The following CSMD1 variants were observed in gnomAD, a reference collection of about 807,000 sequenced individuals.
The protein encoded by CSMD1 is CUB and Sushi multiple domains 1, also known as CUB and sushi domain-containing protein 1.
Under a neutral mutation model 417.5 loss-of-function variants are expected in CSMD1, and 213 were observed. The observed-to-expected ratio is 0.51, with a 90% CI of 0.46 to 0.57. CSMD1 has a LOEUF of 0.57. CSMD1 is among the 20% of genes least tolerant of loss of function. The probability of loss-of-function intolerance (pLI) is 0.00; values close to 1 mark genes in which losing one functional copy is unlikely to be tolerated. For synonymous variants in CSMD1, 2,862 were observed against 1,736.8 expected (o/e 1.65, Z -16.11); for missense variants, 6,923 against 4,529.7 (o/e 1.53, Z -15.17).
At chr8:3,960,625 A>C (rs7823465) in intron 5 of CSMD1, among the ~76,000 whole-genome samples, 2,694 of 152,152 alleles carry the variant, frequency 0.018, 71 homozygotes, top group African/African-American at 0.059. Context: ...ATTAATGGAA[A>C]TATTAATATG....
intron 1 of CSMD1, among the ~76,000 whole-genome samples, chr8:4,862,354 G>C (rs905675091): frequency 6.6e-6 from 1 of 152,082 alleles, no homozygotes; most frequent in Non-Finnish European, 1.5e-5. Context: ...TTGCACAGAT[G>C]GAGAATTAAC....
intron 4 of CSMD1, among the ~76,000 whole-genome samples, chr8:4,002,463 C>G (rs764751329): frequency 6.6e-6 from 1 of 152,162 alleles, no homozygotes; most frequent in Non-Finnish European, 1.5e-5. Context: ...TTTGTTTCCT[C>G]TTAGATCTAT....
chr8:3,989,416 T>C (rs1273216137), intron 5 of CSMD1, among the ~76,000 whole-genome samples: 2 of 152,186 alleles, frequency 1.3e-5, no homozygotes, highest in African/African-American at 2.4e-5. Flanking sequence ...CCCAACACTC[T>C]CCAAGCTAGG....
intron 7 of CSMD1, among the ~76,000 whole-genome samples, chr8:3,690,171 C>A (rs1005590370): frequency 1.3e-5 from 2 of 152,158 alleles, no homozygotes; most frequent in Admixed American, 6.5e-5. Flanking sequence ...CCAGCCTGGG[C>A]AACAGGGCAA....
rs141569053 is a variant in CSMD1 at position 4,109,571 on chromosome 8, T to A, written c.416-77472A>T. Reference sequence around the variant, plus strand: ...AAATTGACCATCATTTCCCAGTCAATGTCTGGAACTACGCAGGAGCATTTG... The same window carrying A: ...AAATTGACCATCATTTCCCAGTCAAAGTCTGGAACTACGCAGGAGCATTTG... On this transcript the variant is annotated intron_variant, in intron 3 of 69. Transcript: ENST00000635120. Among the ~76,000 whole-genome samples, 144 of 152,288 alleles carry A rather than the reference T, an allele frequency of 9.5e-4. 5 individuals are homozygous for A. In the East Asian group the frequency reaches 0.024, roughly 26 times the overall value.
At chr8:3,310,961 G>A (rs1584977289) in intron 23 of CSMD1, among the ~76,000 whole-genome samples, 1 of 152,176 alleles carries the variant, frequency 6.6e-6, no homozygotes, top group South Asian at 2.1e-4. Flanking sequence ...ACATCTGCTG[G>A]GGATGATGAA....
intron 1 of CSMD1, among the ~76,000 whole-genome samples, chr8:4,709,147 G>A (rs938210870): frequency 6.6e-6 from 1 of 152,186 alleles, no homozygotes; most frequent in Non-Finnish European, 1.5e-5. Flanking sequence ...AATTCTGAAC[G>A]AAATATAGCA....
At chr8:3,067,767 T>C (rs117552661) in intron 49 of CSMD1, among the ~76,000 whole-genome samples, 2,304 of 152,020 alleles carry the variant, frequency 0.015, 25 homozygotes, top group East Asian at 0.039. Context: ...ATAATAATAA[T>C]TTTACAACTT....
intron 1 of CSMD1, among the ~76,000 whole-genome samples, chr8:4,853,188 T>C (rs544826295): frequency 6.6e-6 from 1 of 152,150 alleles, no homozygotes; most frequent in Non-Finnish European, 1.5e-5. Context: ...GGGACCCAGG[T>C]GCTGCTAGCC....
At chr8:4,433,288 C>T (rs1179736857) in intron 2 of CSMD1, among the ~76,000 whole-genome samples, 1 of 152,162 alleles carries the variant, frequency 6.6e-6, no homozygotes, top group Non-Finnish European at 1.5e-5. Flanking sequence ...ACACCCTGGT[C>T]CGTAGAAAAA....
intron 7 of CSMD1, among the ~76,000 whole-genome samples, chr8:3,644,670 C>T (rs964213331): frequency 3.3e-5 from 5 of 152,094 alleles, no homozygotes; most frequent in African/African-American, 9.7e-5. Context: ...GTTCAAGTGG[C>T]TGAAGAAGAG....
chr8:4,763,252 G>C (rs951645498), intron 1 of CSMD1, among the ~76,000 whole-genome samples: 7 of 152,166 alleles, frequency 4.6e-5, no homozygotes, highest in African/African-American at 1.4e-4. Context: ...TTTGGACAAA[G>C]GAAGAACAGT....
chr8:4,075,968 A>G (rs1799800048), intron 3 of CSMD1, among the ~76,000 whole-genome samples: 1 of 152,166 alleles, frequency 6.6e-6, no homozygotes, highest in African/African-American at 2.4e-5. Context: ...CTAAGTTTTA[A>G]AACATAGAAT....
rs532389662 is a variant in CSMD1 at position 3,240,641 on chromosome 8, A to T, written c.4154-10410T>A. Among the ~76,000 whole-genome samples, 834 of 152,184 alleles carry T rather than the reference A, an allele frequency of 5.5e-3. 6 individuals are homozygous for T. The highest frequency in any genetic ancestry group is 0.019 in the African/African-American group (778 of 41,512). ...TGATGGGTGTCAGGGTCAGTCCAAG[A>T]GAAAGTGAAGAGAGGCTGGAATGAA... On this transcript the variant is annotated intron_variant, in intron 26 of 69. Transcript: ENST00000635120.
chr8:3,913,800 C>T (rs1326976286), intron 5 of CSMD1, among the ~76,000 whole-genome samples: 1 of 152,078 alleles, frequency 6.6e-6, no homozygotes, highest in Non-Finnish European at 1.5e-5. Flanking sequence ...TGCTGGGCAC[C>T]AGAGTACTAG....
At chr8:4,724,783 T>C (rs1802612404) in intron 1 of CSMD1, among the ~76,000 whole-genome samples, 1 of 152,134 alleles carries the variant, frequency 6.6e-6, no homozygotes, top group Non-Finnish European at 1.5e-5. Context: ...ATATACAGCA[T>C]AGCCTTGTAG....
At chr8:4,890,610 C>A (rs891868896) in intron 1 of CSMD1, among the ~76,000 whole-genome samples, 1 of 147,960 alleles carries the variant, frequency 6.8e-6, no homozygotes, top group Admixed American at 6.7e-5. Context: ...CTGACACCCT[C>A]CCCTGCTTCA....
intron 10 of CSMD1, among the ~76,000 whole-genome samples, chr8:3,525,137 C>T (rs1308948652): frequency 2.6e-5 from 4 of 151,480 alleles, no homozygotes; most frequent in African/African-American, 9.7e-5. Context: ...AAGCCACATA[C>T]AGTGAGTCTT....
chr8:4,637,755 C>G (rs1309806827), intron 1 of CSMD1, among the ~76,000 whole-genome samples, 197 bp from the exon 2 acceptor site: 14 of 148,820 alleles, frequency 9.4e-5, no homozygotes, highest in African/African-American at 2.5e-5. Context: ...ACTGCAAGCT[C>G]CGCTTCCCGG....
Sources: gnomAD v4.1 joint callset for allele counts (sites outside exome capture counted in the v4.1 genomes callset) on GRCh38, gnomAD v4.1.1 for gene constraint, MANE v1.5 for transcripts, NCBI Gene and HGNC (gene_info 2026-07-23, HGNC 2026-07-21) for gene names.